POC1A: variants seen among roughly 807,000 people sequenced by gnomAD.
The protein encoded by POC1A is POC1 centriolar protein A.
Under a neutral mutation model 47.8 loss-of-function variants are expected in POC1A, and 34 were observed. That is an observed-to-expected ratio of 0.71 (90% confidence interval 0.54 to 0.95). The LOEUF (loss-of-function observed/expected upper bound fraction) is 0.95, where lower values mean the gene tolerates loss of function less well. POC1A is among the 40% of genes least tolerant of loss of function. The pLI, the probability that POC1A is intolerant of heterozygous loss-of-function variation, is 0.00. For synonymous variants in POC1A, 177 were observed against 207.6 expected (o/e 0.85, Z 1.27); for missense variants, 466 against 528.3 (o/e 0.88, Z 1.16).
At chr3:52,088,674 C>T (rs1294303802) in intron 10 of POC1A, among the ~76,000 whole-genome samples, 1 of 152,114 alleles carries the variant, frequency 6.6e-6, no homozygotes, top group Non-Finnish European at 1.5e-5. Context: ...AGGCCCCTTT[C>T]TTGTGGCCTG....
In POC1A at chr3:52,096,939, G is replaced by C. The variant is rs573819480; in HGVS notation, c.982-227C>G. Among the ~76,000 whole-genome samples, 14 of 152,336 alleles carry C rather than the reference G, an allele frequency of 9.2e-5. No homozygotes were observed. In the South Asian group the frequency reaches 2.9e-3, roughly 32 times the overall value. The stretch of plus-strand genomic sequence containing the variant: ...GTGGGGAGTGGAATCAGAATGCCTT[G>C]TGATCCAGGCAGGAAGGGGCCTGGG... On this transcript the variant is annotated intron_variant, in intron 9 of 10. Coordinates refer to ENST00000296484, the MANE Select transcript of POC1A (RefSeq NM_015426.5).
At chr3:52,099,630 C>T (rs1037892783) in intron 9 of POC1A, among the ~76,000 whole-genome samples, 2 of 152,206 alleles carry the variant, frequency 1.3e-5, no homozygotes, top group African/African-American at 2.4e-5. Context: ...GCAGGTGGAT[C>T]ACTTGAGGAC....
At chr3:52,130,094 T>C (rs1021483504) in intron 7 of POC1A, among the ~76,000 whole-genome samples, 4 of 152,224 alleles carry the variant, frequency 2.6e-5, no homozygotes, top group African/African-American at 9.6e-5. Context: ...GAACTCTGAC[T>C]GCATGCCCAC....
At chr3:52,104,443 C>T (rs1703104864) in intron 9 of POC1A, among the ~76,000 whole-genome samples, 1 of 152,168 alleles carries the variant, frequency 6.6e-6, no homozygotes, top group African/African-American at 2.4e-5. Flanking sequence ...GAACTGCTTG[C>T]TTTCTAAAAT....
Position 52,096,686 on chromosome 3 carries a change from T to TG in POC1A, c.1007dup (p.Gly337ArgfsTer25), listed in dbSNP as rs778344594. On this transcript the variant is annotated frameshift_variant, in exon 10 of 11. Coordinates refer to ENST00000296484, the MANE Select transcript of POC1A (RefSeq NM_015426.5). LOFTEE classifies it high-confidence loss of function. ...CAGACTCCACACTCCTGCCTCTGCC[T>TG]GGGGGGACAGGGAAGTCCACTTCTG... The TG allele has an allele frequency of 3.1e-6, 5 of 1,603,400 alleles. No homozygotes were observed. The highest frequency in any genetic ancestry group is 1.1e-5 in the South Asian group (1 of 89,666).
intron 9 of POC1A, among the ~76,000 whole-genome samples, chr3:52,119,506 C>T (rs987919482): frequency 1.3e-5 from 2 of 151,700 alleles, no homozygotes; most frequent in South Asian, 2.1e-4. Context: ...GTGATCTTTC[C>T]GCCTCAGCCT....
chr3:52,123,799 C>A (rs1252656323), intron 8 of POC1A, among the ~76,000 whole-genome samples: 3 of 152,246 alleles, frequency 2.0e-5, no homozygotes, highest in Non-Finnish European at 4.4e-5. Context: ...GCTGGACCTA[C>A]TTTCCACCAG....
At chr3:52,125,090 C>T in intron 8 of POC1A, 23 bp downstream of exon 8, 1 of 1,555,992 alleles carries the variant, frequency 6.4e-7, no homozygotes, top group African/African-American at 1.4e-5. Flanking sequence ...CTTCACCATT[C>T]CATTCGACTA....
intron 8 of POC1A, 132 bp downstream of exon 8, chr3:52,124,981 C>G (rs1703940640): frequency 1.4e-6 from 1 of 694,748 alleles, no homozygotes; most frequent in African/African-American, 1.8e-5. Context: ...CCATCAGGGC[C>G]TTTTTAGTCG....
At chr3:52,141,901 T>C (rs1698206203) in intron 6 of POC1A, among the ~76,000 whole-genome samples, 1 of 151,830 alleles carries the variant, frequency 6.6e-6, no homozygotes, top group South Asian at 2.1e-4. Flanking sequence ...AGGGCTGCAC[T>C]AAAGACCATC....
intron 10 of POC1A, among the ~76,000 whole-genome samples, chr3:52,077,667 C>T (rs1702160570): frequency 6.6e-6 from 1 of 152,268 alleles, no homozygotes; most frequent in Non-Finnish European, 1.5e-5. Flanking sequence ...TGGCCCGGGG[C>T]AGCATTCCTG....
chr3:52,081,405 A>G (rs1056345027), intron 10 of POC1A, among the ~76,000 whole-genome samples: 1 of 152,198 alleles, frequency 6.6e-6, no homozygotes, highest in African/African-American at 2.4e-5. Context: ...CTGGCCCAGG[A>G]TGATAATACG....
chr3:52,081,342 G>A (rs562127690), intron 10 of POC1A, among the ~76,000 whole-genome samples: 13 of 152,098 alleles, frequency 8.5e-5, no homozygotes, highest in Admixed American at 6.5e-5. Context: ...CCTTGCCCTC[G>A]CTCTTCCCTT....
At chr3:52,141,409 T>C (rs191110529) in intron 6 of POC1A, among the ~76,000 whole-genome samples, 18 of 152,310 alleles carry the variant, frequency 1.2e-4, no homozygotes, top group Non-Finnish European at 2.2e-4. Flanking sequence ...GACCGCTCAT[T>C]TTCCCCAGGG....
chr3:52,112,024 T>C (rs1172464921), intron 9 of POC1A, among the ~76,000 whole-genome samples: 2 of 152,170 alleles, frequency 1.3e-5, no homozygotes, highest in Non-Finnish European at 2.9e-5. Flanking sequence ...CCACAGCAAG[T>C]CCCATCTTCC....
intron 10 of POC1A, among the ~76,000 whole-genome samples, chr3:52,088,658 T>A (rs748615494): frequency 8.5e-5 from 13 of 152,116 alleles, no homozygotes; most frequent in Non-Finnish European, 1.8e-4. Context: ...GCTCCTGTCA[T>A]AACACAGGCC....
intron 8 of POC1A, among the ~76,000 whole-genome samples, chr3:52,124,904 C>T (rs967387860): frequency 5.9e-5 from 9 of 152,198 alleles, no homozygotes; most frequent in African/African-American, 1.2e-4. Context: ...GCCATGAGGT[C>T]GGCACCTGCA....
At chr3:52,146,192 T>A (rs199958164) in intron 5 of POC1A, among the ~76,000 whole-genome samples, 1 of 152,224 alleles carries the variant, frequency 6.6e-6, no homozygotes, top group South Asian at 2.1e-4. Flanking sequence ...AGGGAGCACA[T>A]CCCACCGCCA....
chr3:52,087,057 C>T (rs1041597494), intron 10 of POC1A, among the ~76,000 whole-genome samples: 1 of 152,184 alleles, frequency 6.6e-6, no homozygotes, highest in Non-Finnish European at 1.5e-5. Flanking sequence ...CTCACCCCAG[C>T]GTGGGTCTTG....
Sources: gnomAD v4.1 joint callset for allele counts (sites outside exome capture counted in the v4.1 genomes callset) on GRCh38, gnomAD v4.1.1 for gene constraint, MANE v1.5 for transcripts, NCBI Gene and HGNC (gene_info 2026-07-23, HGNC 2026-07-21) for gene names.